Variants in KALRN observed in about 807,000 individuals in gnomAD.
KALRN encodes kalirin RhoGEF kinase, also known as kalirin.
KALRN carries 70 observed loss-of-function variants against 353.7 expected under a neutral mutation model. The observed-to-expected ratio is 0.20, with a 90% CI of 0.16 to 0.24. The LOEUF is 0.24. Among genes scored for constraint, KALRN ranks in the 10% least tolerant of loss-of-function variants. The pLI is 1.00. For synonymous variants in KALRN, 1,391 were observed against 1,434.8 expected (o/e 0.97, Z 0.69); for missense variants, 2,791 against 3,756.7 (o/e 0.74, Z 6.72).
intron 1 of KALRN, among the ~76,000 whole-genome samples, chr3:124,087,897 A>G (rs565838580): frequency 6.6e-6 from 1 of 152,354 alleles, no homozygotes; most frequent in African/African-American, 2.4e-5. Flanking sequence ...GATACAGTTC[A>G]AGAGTCAAAA....
At chr3:124,619,816 A>G (rs1023034332) in intron 34 of KALRN, among the ~76,000 whole-genome samples, 3 of 151,706 alleles carry the variant, frequency 2.0e-5, no homozygotes, top group African/African-American at 7.3e-5. Context: ...TTCTTTAGGA[A>G]CCTACATACT....
chr3:124,123,189 G>C (rs1315193870), intron 1 of KALRN, among the ~76,000 whole-genome samples: 3 of 95,170 alleles, frequency 3.2e-5, no homozygotes, highest in Non-Finnish European at 6.5e-5. Context: ...AACAAAGCAA[G>C]ACTCCATCTC....
chr3:124,681,864 A>C (rs949575549), intron 51 of KALRN, among the ~76,000 whole-genome samples: 1 of 152,034 alleles, frequency 6.6e-6, no homozygotes, highest in Non-Finnish European at 1.5e-5. Context: ...TCCTGACCTC[A>C]AGTGATCTGC....
chr3:124,329,039 G>A (rs574641082), intron 7 of KALRN, among the ~76,000 whole-genome samples: 18 of 152,204 alleles, frequency 1.2e-4, no homozygotes, highest in Admixed American at 2.0e-4. Context: ...GCATCCAGAC[G>A]AGAGGAATCA....
intron 1 of KALRN, among the ~76,000 whole-genome samples, chr3:124,120,205 C>T (rs753958525): frequency 1.3e-5 from 2 of 152,180 alleles, no homozygotes; most frequent in Non-Finnish European, 2.9e-5. Flanking sequence ...GCCGTTCCCC[C>T]GACAGGGCAG....
At chr3:124,069,135 C>A (rs4312605) in intron 1 of KALRN, among the ~76,000 whole-genome samples, 90,703 of 151,798 alleles carry the variant, frequency 0.6, 29,968 homozygotes, top group Non-Finnish European at 0.75. Context: ...TTAAAATGAC[C>A]TTTTTGGGCC....
intron 1 of KALRN, among the ~76,000 whole-genome samples, chr3:124,204,742 T>G (rs1301224084): frequency 6.6e-6 from 1 of 152,236 alleles, no homozygotes; most frequent in Admixed American, 6.5e-5. Flanking sequence ...AGAATTTACC[T>G]CAAGGGACCT....
At chr3:124,611,117 T>C (rs1466296748) in intron 34 of KALRN, among the ~76,000 whole-genome samples, 1 of 151,978 alleles carries the variant, frequency 6.6e-6, no homozygotes, top group Non-Finnish European at 1.5e-5. Flanking sequence ...CATGTGGAGG[T>C]GGGTGTTGTA....
intron 1 of KALRN, among the ~76,000 whole-genome samples, chr3:124,122,081 T>G (rs977318436): frequency 6.6e-6 from 1 of 152,090 alleles, no homozygotes; most frequent in African/African-American, 2.4e-5. Context: ...GTGAGATGAG[T>G]GGTGCCAGAG....
rs145385995 is a variant in KALRN, at chr3:124,107,415, C to T, written c.73+73602C>T. Among the ~76,000 whole-genome samples, 353 of 152,246 alleles carry T rather than the reference C, an allele frequency of 2.3e-3. 2 individuals are homozygous for T. Among genetic ancestry groups the T allele is most frequent in the Admixed American group, 4.2e-3 (64 of 15,302 alleles). Reference sequence around the variant, plus strand: ...CAAGACATAATTAAGACTACAATCTCCCATCCTCGGTAATATACAGACCTT... The same window carrying T: ...CAAGACATAATTAAGACTACAATCTTCCATCCTCGGTAATATACAGACCTT... On this transcript the variant is annotated intron_variant, in intron 1 of 59. Coordinates refer to ENST00000682506, the MANE Select transcript of KALRN (RefSeq NM_001388419.1).
intron 15 of KALRN, among the ~76,000 whole-genome samples, chr3:124,430,318 T>A (rs892989303): frequency 6.6e-6 from 1 of 152,222 alleles, no homozygotes; most frequent in African/African-American, 2.4e-5. Flanking sequence ...AGATGGAATT[T>A]ATTTATTTAT....
At chr3:124,662,019 C>A in intron 45 of KALRN, 91 bp downstream of exon 45, 1 of 986,788 alleles carries the variant, frequency 1.0e-6, no homozygotes, top group Non-Finnish European at 1.6e-6. Flanking sequence ...GCCTTGTGTC[C>A]TGCCTGTGCC....
intron 10 of KALRN, among the ~76,000 whole-genome samples, chr3:124,369,300 G>T (rs567897529): frequency 6.6e-6 from 1 of 151,950 alleles, no homozygotes; most frequent in African/African-American, 2.4e-5. Flanking sequence ...AATTTCTTTG[G>T]TGTTTTTCAA....
At chr3:124,158,645 A>C (rs1560107057) in intron 1 of KALRN, among the ~76,000 whole-genome samples, 1 of 152,128 alleles carries the variant, frequency 6.6e-6, no homozygotes, top group Non-Finnish European at 1.5e-5. Context: ...TGTTAATGGG[A>C]AAGAAGGGCT....
chr3:124,565,136 C>G (rs902628970), intron 34 of KALRN, among the ~76,000 whole-genome samples: 3 of 152,344 alleles, frequency 2.0e-5, no homozygotes, highest in South Asian at 4.1e-4. Flanking sequence ...TAGATGGCAG[C>G]AGCAGGCTGA....
chr3:124,488,338 G>C, intron 29 of KALRN, 23 bp downstream of exon 29: 1 of 1,476,122 alleles, frequency 6.8e-7, no homozygotes, highest in East Asian at 2.3e-5. Flanking sequence ...CCAGCACTGG[G>C]GAAGCCTCCT....
At chr3:124,678,981 AAT>A (rs2087501724) in intron 50 of KALRN, among the ~76,000 whole-genome samples, 3 of 21,738 alleles carry the variant, frequency 1.4e-4, no homozygotes, top group African/African-American at 6.2e-4. Flanking sequence ...AAGATCTGCC[AAT>A]GGACCAATGG....
At chr3:124,142,515 C>A (rs1357099989) in intron 1 of KALRN, among the ~76,000 whole-genome samples, 1 of 152,138 alleles carries the variant, frequency 6.6e-6, no homozygotes, top group African/African-American at 2.4e-5. Flanking sequence ...TTTTGGTATT[C>A]ATTGCAGGCC....
At chr3:124,507,689 G>T (rs2065386897) in intron 33 of KALRN, among the ~76,000 whole-genome samples, 1 of 152,120 alleles carries the variant, frequency 6.6e-6, no homozygotes, top group African/African-American at 2.4e-5. Flanking sequence ...GTGATGATAG[G>T]GTGGCTATAT....
Sources: gnomAD v4.1 joint callset for allele counts (sites outside exome capture counted in the v4.1 genomes callset) on GRCh38, gnomAD v4.1.1 for gene constraint, MANE v1.5 for transcripts, NCBI Gene and HGNC (gene_info 2026-07-23, HGNC 2026-07-21) for gene names.